SOX5: variants seen among roughly 807,000 people sequenced by gnomAD.
The protein encoded by SOX5 is SRY-box transcription factor 5.
In SOX5, 9 loss-of-function variants were observed where a neutral mutation model predicts 92.0. The observed-to-expected ratio is 0.10, with a 90% CI of 0.06 to 0.17. The LOEUF (loss-of-function observed/expected upper bound fraction) is 0.17. SOX5 is among the 10% of genes least tolerant of loss of function. The pLI, the probability that SOX5 is intolerant of heterozygous loss-of-function variation, is 1.00. For missense variants in SOX5, 642 were observed against 944.5 expected (o/e 0.68, Z 4.20); for synonymous variants, 344 against 336.3 (o/e 1.02, Z -0.25).
At chr12:24,055,338 T>G (rs1318046495) in intron 4 of SOX5, among the ~76,000 whole-genome samples, 1 of 152,156 alleles carries the variant, frequency 6.6e-6, no homozygotes, top group African/African-American at 2.4e-5. Flanking sequence ...TCCCTCACAG[T>G]CCTTATAACT....
chr12:23,698,489 T>A (rs2090187154), intron 6 of SOX5, among the ~76,000 whole-genome samples: 1 of 152,192 alleles, frequency 6.6e-6, no homozygotes, highest in African/African-American at 2.4e-5. Flanking sequence ...ATCTCTGATA[T>A]TGTACATTTT....
intron 3 of SOX5, among the ~76,000 whole-genome samples, chr12:23,776,925 C>A (rs1188128351): frequency 1.3e-5 from 2 of 152,110 alleles, no homozygotes; most frequent in Admixed American, 6.5e-5. Flanking sequence ...AGCAATATAG[C>A]CTTATTGTCA....
At chr12:23,847,547 C>T (rs950527179) in intron 2 of SOX5, among the ~76,000 whole-genome samples, 4 of 151,774 alleles carry the variant, frequency 2.6e-5, no homozygotes, top group Non-Finnish European at 4.4e-5. Flanking sequence ...AAAATAGATA[C>T]GTCAACACAA....
At chr12:24,497,556 C>T (rs1268722707) in intron 1 of SOX5, among the ~76,000 whole-genome samples, 1 of 152,234 alleles carries the variant, frequency 6.6e-6, no homozygotes, top group East Asian at 1.9e-4. Flanking sequence ...ACAACAGATG[C>T]TGGCAAGGTT....
At chr12:23,569,232 T>C (rs978794189) in intron 10 of SOX5, among the ~76,000 whole-genome samples, 14 of 152,178 alleles carry the variant, frequency 9.2e-5, no homozygotes, top group African/African-American at 1.4e-4. Flanking sequence ...TCTATCTATG[T>C]ATATTTAAAA....
chr12:23,599,977 CA>C (rs1015194758), intron 9 of SOX5, among the ~76,000 whole-genome samples: 2 of 152,038 alleles, frequency 1.3e-5, no homozygotes, highest in African/African-American at 4.8e-5. Flanking sequence ...ATATGTGGTG[CA>C]AAAATGAAAG....
intron 1 of SOX5, among the ~76,000 whole-genome samples, chr12:24,432,788 G>A (rs1281266038): frequency 6.6e-6 from 1 of 152,088 alleles, no homozygotes; most frequent in African/African-American, 2.4e-5. Context: ...CTCCAGCCTG[G>A]TGACAGAGCG....
intron 4 of SOX5, among the ~76,000 whole-genome samples, chr12:24,045,025 A>C (rs1392513592): frequency 6.6e-6 from 1 of 152,218 alleles, no homozygotes; most frequent in African/African-American, 2.4e-5. Flanking sequence ...GTTCCAAAAA[A>C]ATCTGAGCAG....
At chr12:24,406,154 A>G (rs1743235734) in intron 1 of SOX5, among the ~76,000 whole-genome samples, 1 of 152,122 alleles carries the variant, frequency 6.6e-6, no homozygotes, top group Admixed American at 6.5e-5. Context: ...GTTTTCCTAG[A>G]GCAGGTGTGG....
rs527645854 is a variant in SOX5, at chr12:24,383,125, C to T, written c.-250-14486G>A. ...TGAGAATGCGATCTCCCTATATTGC[C>T]AAGGCTGGTCACCAACTCCTGGGTT... On this transcript the variant is annotated intron_variant, in intron 1 of 4. Transcript: ENST00000446891. Among the ~76,000 whole-genome samples, 6 of 152,216 alleles carry T rather than the reference C, an allele frequency of 3.9e-5. No individual in the cohort carries two copies. In the South Asian group the frequency reaches 6.2e-4, roughly 16 times the overall value.
rs146189096 is a variant in SOX5, at chr12:23,922,803, G to A, written c.38+26761C>T. Among the ~76,000 whole-genome samples the A allele has an allele frequency of 4.6e-5, 7 of 152,280 alleles. No individual in the cohort carries two copies. The East Asian group carries it at 1.3e-3, about 29-fold the overall frequency. On this transcript the variant is annotated intron_variant, in intron 1 of 14. Coordinates refer to ENST00000451604, the MANE Select transcript of SOX5 (RefSeq NM_006940.6). ...AGGAAATAAAGATTAATGAATTTTAGCTGACGCACTCACAATCTAGTGACA... is the reference window on the plus strand; with the variant it reads ...AGGAAATAAAGATTAATGAATTTTAACTGACGCACTCACAATCTAGTGACA...
At chr12:24,534,928 G>C (rs1951506508) in intron 1 of SOX5, among the ~76,000 whole-genome samples, 3 of 152,220 alleles carry the variant, frequency 2.0e-5, no homozygotes, top group South Asian at 4.1e-4. Context: ...CAGAAAACAT[G>C]CAAGAGCAAA....
intron 3 of SOX5, among the ~76,000 whole-genome samples, chr12:23,821,281 T>C (rs1349102026): frequency 2.0e-5 from 3 of 152,244 alleles, no homozygotes; most frequent in Non-Finnish European, 2.9e-5. Flanking sequence ...TTTTGTATCC[T>C]GAGACTTTGC....
chr12:24,201,679 T>A (rs535879093), intron 4 of SOX5, among the ~76,000 whole-genome samples: 128 of 152,342 alleles, frequency 8.4e-4, no homozygotes, highest in African/African-American at 2.9e-3. Context: ...AGTCCTTTAA[T>A]GTTGTCACAG....
Position 24,432,631 on chromosome 12 carries a change from A to C in SOX5, c.-250-63992T>G, listed in dbSNP as rs535436396. On this transcript the variant is annotated intron_variant, in intron 1 of 4. Transcript: ENST00000446891. ...GATCGAGACCATCCTGGCCAACATG[A>C]TGAAACCCTGTCTCTACTAAAAATA... 1.2e-4 allele frequency among the ~76,000 whole-genome samples: 19 copies of C among 152,132 alleles called. No homozygotes were observed. In the South Asian group the frequency reaches 3.3e-3, roughly 27 times the overall value.
intron 7 of SOX5, among the ~76,000 whole-genome samples, chr12:23,643,673 C>A (rs1414883814): frequency 6.6e-6 from 1 of 152,056 alleles, no homozygotes; most frequent in Non-Finnish European, 1.5e-5. Flanking sequence ...GTTCCAGAAG[C>A]CAAGTAAAGA....
chr12:24,416,499 G>A (rs1027649695), intron 1 of SOX5, among the ~76,000 whole-genome samples: 17 of 152,244 alleles, frequency 1.1e-4, no homozygotes, highest in African/African-American at 4.1e-4. Context: ...AAGCAAAGAC[G>A]TGGGTAAGGA....
chr12:24,492,392 T>G (rs1221443355), intron 1 of SOX5, among the ~76,000 whole-genome samples: 1 of 152,176 alleles, frequency 6.6e-6, no homozygotes, highest in African/African-American at 2.4e-5. Flanking sequence ...GAGGAAATAT[T>G]GTGCCTAAAT....
At chr12:23,872,232 T>C (rs1420337093) in intron 2 of SOX5, among the ~76,000 whole-genome samples, 1 of 143,998 alleles carries the variant, frequency 6.9e-6, no homozygotes, top group Admixed American at 7.1e-5. Flanking sequence ...CAGGATGGTC[T>C]CGATCTCCTG....
Sources: allele counts gnomAD v4.1 joint callset (sites outside exome capture counted in the v4.1 genomes callset), GRCh38; gene constraint gnomAD v4.1.1; transcripts MANE v1.5; gene names NCBI Gene and HGNC (gene_info 2026-07-23, HGNC 2026-07-21).